CHM: variants seen among roughly 807,000 people sequenced by gnomAD.
CHM encodes the protein CHM Rab escort protein.
CHM carries 10 observed loss-of-function variants against 49.0 expected under a neutral mutation model. The ratio of observed to expected loss-of-function variants is 0.20; its 90% CI spans 0.13 to 0.35. The LOEUF (loss-of-function observed/expected upper bound fraction) is 0.35, where lower values mean the gene tolerates loss of function less well. Among genes scored for constraint, CHM ranks in the 10% least tolerant of loss-of-function variants. The pLI, the probability that CHM is intolerant of heterozygous loss-of-function variation, is 1.00. For missense variants in CHM, 455 were observed against 478.4 expected (o/e 0.95, Z 0.46); for synonymous variants, 184 against 167.5 (o/e 1.10, Z -0.76).
intron 12 of CHM, among the ~76,000 whole-genome samples, chrX:85,882,755 C>G (rs750787839): frequency 1.8e-5 from 2 of 111,709 alleles, no homozygotes; most frequent in Admixed American, 1.9e-4. Flanking sequence ...ATCGCTCTTA[C>G]GAGTTGTTTT....
chrX:85,928,452 A>G (rs932322758), intron 8 of CHM, among the ~76,000 whole-genome samples: 24 of 111,177 alleles, frequency 2.2e-4, no homozygotes, highest in Non-Finnish European at 3.6e-4. Context: ...CTGAGGCAGG[A>G]GAATCTCTTG....
intron 2 of CHM, among the ~76,000 whole-genome samples, chrX:86,014,916 A>C (rs1933226266): frequency 9.0e-6 from 1 of 111,632 alleles, no homozygotes; most frequent in Non-Finnish European, 1.9e-5. Flanking sequence ...AATAACAATA[A>C]GGATTAAAAA....
At chrX:85,953,852 A>C (rs1929877208) in intron 8 of CHM, among the ~76,000 whole-genome samples, 1 of 112,098 alleles carries the variant, frequency 8.9e-6, no homozygotes, top group South Asian at 3.7e-4. Flanking sequence ...CCTCCAAGAC[A>C]CTGGTCTGGG....
At position 85,972,166 on chromosome X, in the gene CHM, CAG is replaced by C. The variant is rs1345129969; in HGVS notation, c.314+6599_314+6600del. Among the ~76,000 whole-genome samples the C allele has an allele frequency of 3.6e-5, 4 of 111,436 alleles. 1 individual carries two copies. The highest frequency in any genetic ancestry group is 4.2e-3 in the Middle Eastern group (1 of 236). On this transcript the variant is annotated intron_variant, in intron 4 of 14. Coordinates refer to ENST00000357749, the MANE Select transcript of CHM (RefSeq NM_000390.4). ...AAGGCCCCACCACAGCAGCTAGATA[CAG>C]AGTGTCGATTGGTGCACTCACAAAC...
intron 2 of CHM, among the ~76,000 whole-genome samples, chrX:85,991,843 C>A (rs1457655195): frequency 1.8e-5 from 2 of 110,562 alleles, no homozygotes; most frequent in African/African-American, 6.6e-5. Flanking sequence ...AGTAGAACAA[C>A]AAAAATAGGT....
chrX:85,875,829 G>A (rs1224328542), intron 13 of CHM, among the ~76,000 whole-genome samples: 1 of 111,256 alleles, frequency 9.0e-6, no homozygotes, highest in Non-Finnish European at 1.9e-5. Context: ...CCATCAAAAG[G>A]CTCCTTGAAT....
intron 8 of CHM, among the ~76,000 whole-genome samples, chrX:85,916,583 C>A (rs1927467799): frequency 9.0e-6 from 1 of 111,346 alleles, no homozygotes; most frequent in South Asian, 3.7e-4. Context: ...CTATAAGGAA[C>A]TTAAAGTAAT....
intron 4 of CHM, chrX:85,971,192 T>C: frequency 1.3e-6 from 1 of 753,465 alleles, no homozygotes; most frequent in Non-Finnish European, 1.6e-6. Flanking sequence ...GGGTTTGCAC[T>C]AATCCATTTG....
chrX:85,920,626 T>G (rs1230835979), intron 8 of CHM, among the ~76,000 whole-genome samples: 2 of 112,449 alleles, frequency 1.8e-5, no homozygotes, highest in Admixed American at 9.4e-5. Flanking sequence ...ATGTTTTACA[T>G]GTATTAACAC....
chrX:85,861,280 TAA>T lies in CHM; in HGVS notation c.*3348_*3349del, dbSNP rs1481529330. 8.9e-6 allele frequency: 1 copy of T among 112,123 alleles called. No individual in the cohort carries two copies. The highest frequency in any genetic ancestry group is 1.9e-5 in the Non-Finnish European group (1 of 53,215). 9.2% of individuals were successfully genotyped at this position (112,123 alleles called of 1,213,427 possible). On this transcript the variant is annotated 3_prime_UTR_variant, in exon 15 of 15. Coordinates refer to ENST00000357749, the MANE Select transcript of CHM (RefSeq NM_000390.4). ...TCATGCTTTTTGAAATATATCTGAA[TAA>T]AAGACAAATTATTCAATATCAATAG...
intron 5 of CHM, among the ~76,000 whole-genome samples, chrX:85,962,275 A>G (rs745977841): frequency 3.6e-5 from 4 of 112,203 alleles, no homozygotes; most frequent in Non-Finnish European, 5.6e-5. Context: ...CCATCCACAG[A>G]TGAACAGCCA....
At chrX:86,008,284 C>G (rs774225489) in intron 2 of CHM, among the ~76,000 whole-genome samples, 90 of 110,922 alleles carry the variant, frequency 8.1e-4, no homozygotes, top group South Asian at 3.9e-3. Context: ...GGAAGAATAG[C>G]ATTAGGAGAA....
chrX:85,970,444 T>C (rs924785914), intron 4 of CHM: 51 of 751,546 alleles, frequency 6.8e-5, no homozygotes, highest in Non-Finnish European at 7.4e-5. Flanking sequence ...GGTGGAACGG[T>C]TGGTTCCCTT....
intron 12 of CHM, among the ~76,000 whole-genome samples, chrX:85,884,867 A>G (rs940471176): frequency 2.7e-5 from 3 of 111,350 alleles, no homozygotes; most frequent in Admixed American, 1.9e-4. Context: ...TAAAGAAAAA[A>G]GTGGTTGAGA....
rs779507841 is a variant in CHM, at chrX:85,910,883, C to A, written c.1244+378G>T. ...AAAACTAACATCACTCATCACCCAC[C>A]CCCTGGCAGCTGAAATGATTTGTCT... On this transcript the variant is annotated intron_variant, in intron 9 of 14. Coordinates refer to ENST00000357749, the MANE Select transcript of CHM (RefSeq NM_000390.4). 4.0e-4 allele frequency among the ~76,000 whole-genome samples: 42 copies of A among 105,134 alleles called. No individual in the cohort carries two copies. In the East Asian group the frequency reaches 0.012, roughly 31 times the overall value. 91.3% of individuals were successfully genotyped at this position (105,134 alleles called of 115,157 possible). A position where few individuals can be genotyped will look rare whatever the true frequency, so the allele number is the denominator to read the frequency against.
intron 4 of CHM, chrX:85,970,442 G>A (rs978844546): frequency 6.7e-6 from 5 of 751,419 alleles, no homozygotes; most frequent in East Asian, 1.5e-4. Context: ...TTGGTGGAAC[G>A]GTTGGTTCCC....
rs936115996 is a variant in CHM, at chrX:85,862,221, T to C, written c.*2409A>G. On this transcript the variant is annotated 3_prime_UTR_variant, in exon 15 of 15. Transcript: ENST00000357749. Reference sequence around the variant, plus strand: ...CCACAAACTATCTCCTCCATTGTTCTACATATAGGTGGCTGCAGTAAGGCC... The same window carrying C: ...CCACAAACTATCTCCTCCATTGTTCCACATATAGGTGGCTGCAGTAAGGCC... 8.4e-4 allele frequency: 95 copies of C among 112,440 alleles called. 3 individuals carry two copies. Among genetic ancestry groups the C allele is most frequent in the Non-Finnish European group, 1.5e-4 (8 of 53,258 alleles). The allele number at this position is 112,440 out of a possible 1,213,427, so 9.3% of individuals were successfully genotyped here. A position where few individuals can be genotyped will look rare whatever the true frequency, so the allele number is the denominator to read the frequency against.
intron 8 of CHM, among the ~76,000 whole-genome samples, chrX:85,946,797 G>C (rs1389585229): frequency 8.9e-6 from 1 of 111,891 alleles, no homozygotes; most frequent in Non-Finnish European, 1.9e-5. Flanking sequence ...CCCCAGAATG[G>C]TAGAGGCACA....
intron 9 of CHM, among the ~76,000 whole-genome samples, chrX:85,906,118 G>C (rs1195473095): frequency 1.8e-5 from 2 of 111,872 alleles, no homozygotes; most frequent in Non-Finnish European, 3.8e-5. Context: ...TGGATGGATG[G>C]TTAATGAAGT....
Sources: gnomAD v4.1 joint callset for allele counts (sites outside exome capture counted in the v4.1 genomes callset) on GRCh38, gnomAD v4.1.1 for gene constraint, MANE v1.5 for transcripts, NCBI Gene and HGNC (gene_info 2026-07-23, HGNC 2026-07-21) for gene names.